The following NOS1 variants were observed in gnomAD, a reference collection of about 807,000 sequenced individuals.
NOS1 encodes the protein nitric oxide synthase 1, also known as NOS type I.
Under a neutral mutation model 164.5 loss-of-function variants are expected in NOS1, and 51 were observed. The observed-to-expected ratio is 0.31, with a 90% CI of 0.25 to 0.39. NOS1 has a LOEUF of 0.39. NOS1 is among the 10% of genes least tolerant of loss of function. The probability of loss-of-function intolerance (pLI) is 1.00; values close to 1 mark genes in which losing one functional copy is unlikely to be tolerated. For missense variants in NOS1, 1,362 were observed against 1,885.6 expected (o/e 0.72, Z 5.14); for synonymous variants, 719 against 745.8 (o/e 0.96, Z 0.59).
intron 13 of NOS1, among the ~76,000 whole-genome samples, chr12:117,260,826 A>ATTTTAT (rs1555253025): frequency 1.3e-5 from 2 of 151,736 alleles, no homozygotes; most frequent in African/African-American, 4.8e-5. Context: ...ATTTTATTTT[A>ATTTTAT]TTTTTTAACT....
rs1869511028 is a variant in NOS1, at chr12:117,234,249, T to C, written c.3235+316A>G. On this transcript the variant is annotated intron_variant, in intron 21 of 28. Transcript: ENST00000317775. This position sits in a 1 kb window ranked among gnomAD's most constrained non-coding sequence, Gnocchi z 4.3. ...GGGTACTAGAGATTTTCCTGAGGGC[T>C]AGTGGTGAGGATGGAAAGTGAAAAG... Among the ~76,000 whole-genome samples, 1 of 152,194 alleles carries C rather than the reference T, an allele frequency of 6.6e-6. No individual in the cohort carries two copies. Among genetic ancestry groups the C allele is most frequent in the Non-Finnish European group, 1.5e-5 (1 of 68,038 alleles).
At position 117,234,785 on chromosome 12, in the gene NOS1, G is replaced by A; in HGVS notation, c.3042-27C>T. Reference sequence around the variant, plus strand: ...TGCAGGAAATTGCAGAGGAATCATAGGACAAGGGCCAGCAGCTACTTCCTC... The same window carrying A: ...TGCAGGAAATTGCAGAGGAATCATAAGACAAGGGCCAGCAGCTACTTCCTC... On this transcript the variant is annotated intron_variant, in intron 20 of 28. Transcript: ENST00000317775. This position sits in a 1 kb window ranked among gnomAD's most constrained non-coding sequence, Gnocchi z 4.3. The A allele has an allele frequency of 6.3e-7, 1 of 1,587,180 alleles. No homozygotes were observed. The highest frequency in any genetic ancestry group is 8.6e-7 in the Non-Finnish European group (1 of 1,161,404).
rs1869071839 is a variant in NOS1, at chr12:117,229,989, G to A, written c.3405+1973C>T. 2.0e-5 allele frequency among the ~76,000 whole-genome samples: 3 copies of A among 152,188 alleles called. No individual in the cohort carries two copies. In the South Asian group the frequency reaches 6.2e-4, roughly 32 times the overall value. On this transcript the variant is annotated intron_variant, in intron 22 of 28. Transcript: ENST00000317775. Reference sequence around the variant, plus strand: ...GGCTGGAGTACAGTTGCAAGATCGTGATTCACCACAGCCTCGAACTCCTGG... The same window carrying A: ...GGCTGGAGTACAGTTGCAAGATCGTAATTCACCACAGCCTCGAACTCCTGG...
At chr12:117,261,012 C>CA (rs1871858083) in intron 13 of NOS1, among the ~76,000 whole-genome samples, 2 of 151,402 alleles carry the variant, frequency 1.3e-5, no homozygotes, top group Non-Finnish European at 2.9e-5. Context: ...TACTAAAATA[C>CA]AAAAAAATTA....
intron 2 of NOS1, among the ~76,000 whole-genome samples, chr12:117,321,438 G>C (rs951799153): frequency 6.6e-6 from 1 of 152,152 alleles, no homozygotes; most frequent in African/African-American, 2.4e-5. Context: ...CATGAAAGGC[G>C]GTGAGAAGCC....
intron 20 of NOS1, among the ~76,000 whole-genome samples, chr12:117,241,814 G>A (rs1308441651): frequency 6.6e-6 from 1 of 152,174 alleles, no homozygotes; most frequent in African/African-American, 2.4e-5. Flanking sequence ...GTTCAAATTG[G>A]TGATGGTAAT....
rs773360585 is a variant in NOS1, at chr12:117,331,345, G to A, written c.-276C>T. On this transcript the variant is annotated 5_prime_UTR_variant, in exon 2 of 29. Transcript: ENST00000317775. ...CAGGCAGACGTCAAGAGAGGCGGTGGGACGTGTCCCTAAGGTCAGGCAGAA... is the reference window on the plus strand; with the variant it reads ...CAGGCAGACGTCAAGAGAGGCGGTGAGACGTGTCCCTAAGGTCAGGCAGAA... The A allele has an allele frequency of 8.6e-6, 4 of 462,782 alleles. No homozygotes were observed. Among genetic ancestry groups the A allele is most frequent in the Non-Finnish European group, 1.6e-5 (4 of 255,786 alleles). The allele number at this position is 462,782 out of a possible 1,614,324, so 28.7% of individuals were successfully genotyped here. A position where few individuals can be genotyped will look rare whatever the true frequency, so the allele number is the denominator to read the frequency against.
rs1414751252 is a variant in NOS1, at chr12:117,234,755, C to T, written c.3045G>A (p.Arg1015=). ...TGTGGAGACGCACGAAGATAGTTGACCGACTGCAGGAAATTGCAGAGGAAT... is the reference window on the plus strand; with the variant it reads ...TGTGGAGACGCACGAAGATAGTTGATCGACTGCAGGAAATTGCAGAGGAAT... ...RQNLQSPKSS[R]STIFVRLHTN... Residue 1015 remains arginine (R), a synonymous_variant, in exon 21 of 29, where the codon CGG becomes CGA. Transcript: ENST00000317775. The surrounding 1 kb of genome is among the most constrained non-coding windows in gnomAD (Gnocchi z 4.3). The T allele has an allele frequency of 6.2e-7, 1 of 1,606,936 alleles. No individual in the cohort carries two copies. Among genetic ancestry groups the T allele is most frequent in the Non-Finnish European group, 8.5e-7 (1 of 1,174,610 alleles).
Position 117,212,073 on chromosome 12 carries a change from AAT to A in NOS1, c.*3234_*3235del, listed in dbSNP as rs1491012613. Reference sequence around the variant, plus strand: ...AGAGCAAGACTCTGTCAAAAAAAAAAATAGATTCTAACCTTCTGCACGAGAGG... The same window carrying A: ...AGAGCAAGACTCTGTCAAAAAAAAAAAGATTCTAACCTTCTGCACGAGAGG... On this transcript the variant is annotated 3_prime_UTR_variant, in exon 29 of 29. Coordinates refer to ENST00000317775, the MANE Select transcript of NOS1 (RefSeq NM_000620.5). The A allele has an allele frequency of 1.1e-6, 1 of 948,646 alleles. No individual in the cohort carries two copies. The highest frequency in any genetic ancestry group is 1.2e-6 in the Non-Finnish European group (1 of 804,988). 58.8% of individuals were successfully genotyped at this position (948,646 alleles called of 1,614,324 possible).
At chr12:117,340,486 G>A (rs142230783) in intron 1 of NOS1, among the ~76,000 whole-genome samples, 59 of 152,204 alleles carry the variant, frequency 3.9e-4, no homozygotes, top group Non-Finnish European at 8.4e-4. Flanking sequence ...TAGATAGGGT[G>A]TCTGAGGATA....
intron 26 of NOS1, among the ~76,000 whole-genome samples, chr12:117,221,542 C>A (rs1956705477): frequency 6.6e-6 from 1 of 152,078 alleles, no homozygotes; most frequent in Non-Finnish European, 1.5e-5. Flanking sequence ...CCTTGGCCTC[C>A]CAAAGTGCTG....
At chr12:117,315,294 C>A (rs1251184027) in intron 2 of NOS1, among the ~76,000 whole-genome samples, 1 of 152,074 alleles carries the variant, frequency 6.6e-6, no homozygotes, top group Non-Finnish European at 1.5e-5. Flanking sequence ...ACGTCCACCT[C>A]CCAGGTTCAA....
chr12:117,331,677 G>T (rs1162783622), intron 1 of NOS1, among the ~76,000 whole-genome samples, 188 bp from the exon 2 acceptor site: 4 of 152,146 alleles, frequency 2.6e-5, no homozygotes, highest in African/African-American at 9.7e-5. Context: ...ACCTTTCAAG[G>T]TTAGCTGCAA....
At chr12:117,342,206 T>C (rs1440098788) in intron 1 of NOS1, among the ~76,000 whole-genome samples, 1 of 152,182 alleles carries the variant, frequency 6.6e-6, no homozygotes, top group Admixed American at 6.5e-5. Context: ...TACTCATACA[T>C]AGCTCTCCCC....
chr12:117,214,838 C>A lies in NOS1; in HGVS notation c.*471G>T. ...ACGGACAGAGACCTGGCCCATCACACACACACACACACACACACACACACA... is the reference window on the plus strand; with the variant it reads ...ACGGACAGAGACCTGGCCCATCACAAACACACACACACACACACACACACA... On this transcript the variant is annotated 3_prime_UTR_variant, in exon 29 of 29. Transcript: ENST00000317775. 1.3e-6 allele frequency: 1 copy of A among 780,310 alleles called. No individual in the cohort carries two copies. The highest frequency in any genetic ancestry group is 1.6e-6 in the Non-Finnish European group (1 of 642,410). 48.3% of individuals were successfully genotyped at this position (780,310 alleles called of 1,614,324 possible).
At position 117,311,560 on chromosome 12, in the gene NOS1, G is replaced by A. The variant is rs1256919903; in HGVS notation, c.758C>T (p.Pro253Leu). Residue 253 changes from proline to leucine, a missense_variant, in exon 3 of 29, where the codon CCC becomes CTC. Pro to Leu is a moderately conservative substitution (Grantham distance 98, BLOSUM62 -3). Coordinates refer to ENST00000317775, the MANE Select transcript of NOS1 (RefSeq NM_000620.5). Reference sequence around the variant, plus strand: ...GACTCGGTCGTTCTCCACGCCGAGGGGCAGAGGTTTGTGTGACTTGCCGTC... The same window carrying A: ...GACTCGGTCGTTCTCCACGCCGAGGAGCAGAGGTTTGTGTGACTTGCCGTC... ...DLDGKSHKPL[P>L]LGVENDRVFN... 6.2e-7 allele frequency: 1 copy of A among 1,612,922 alleles called. No homozygotes were observed. Among genetic ancestry groups the A allele is most frequent in the Non-Finnish European group, 8.5e-7 (1 of 1,179,472 alleles).
chr12:117,257,062 A>C (rs1365185319), intron 16 of NOS1, among the ~76,000 whole-genome samples: 1 of 152,094 alleles, frequency 6.6e-6, no homozygotes, highest in Non-Finnish European at 1.5e-5. Flanking sequence ...ATAACAGCGA[A>C]ACTTCATCTC....
At chr12:117,262,003 C>T (rs1871944320) in intron 13 of NOS1, among the ~76,000 whole-genome samples, 1 of 152,178 alleles carries the variant, frequency 6.6e-6, no homozygotes, top group African/African-American at 2.4e-5. Context: ...AACAAGCCTC[C>T]CTGTTGTAAC....
At chr12:117,244,140 C>T (rs1320739741) in intron 18 of NOS1, among the ~76,000 whole-genome samples, 20 of 151,890 alleles carry the variant, frequency 1.3e-4, no homozygotes, top group Admixed American at 1.3e-3. Flanking sequence ...TACATAAAGG[C>T]AGAGCATATT....
Sources: allele counts gnomAD v4.1 joint callset (sites outside exome capture counted in the v4.1 genomes callset), GRCh38; gene constraint gnomAD v4.1.1; non-coding constraint Gnocchi (gnomAD v3.1); transcripts MANE v1.5; gene names NCBI Gene and HGNC (gene_info 2026-07-23, HGNC 2026-07-21).